SBF2: variants seen among roughly 807,000 people sequenced by gnomAD.
The protein encoded by SBF2 is SET binding factor 2.
Under a neutral mutation model 225.2 loss-of-function variants are expected in SBF2, and 112 were observed. That is an observed-to-expected ratio of 0.50 (90% CI 0.43 to 0.58). SBF2 has a LOEUF of 0.58. Among genes scored for constraint, SBF2 ranks in the 20% least tolerant of loss-of-function variants. The pLI is 0.00. For synonymous variants in SBF2, 763 were observed against 773.3 expected (o/e 0.99, Z 0.22); for missense variants, 1,996 against 2,206.2 (o/e 0.90, Z 1.91).
chr11:9,822,417 C>T (rs999032649), intron 28 of SBF2, among the ~76,000 whole-genome samples: 3 of 152,160 alleles, frequency 2.0e-5, no homozygotes, highest in South Asian at 4.1e-4. Context: ...CCCGCCACCA[C>T]GCCCGGCTAA....
intron 2 of SBF2, among the ~76,000 whole-genome samples, chr11:10,098,425 T>C: frequency 6.7e-6 from 1 of 149,752 alleles, no homozygotes; most frequent in East Asian, 2.0e-4. Context: ...GCAAAGAAGA[T>C]AACATCTTCT....
At chr11:10,074,356 T>A (rs1362117325) in intron 2 of SBF2, among the ~76,000 whole-genome samples, 1 of 152,224 alleles carries the variant, frequency 6.6e-6, no homozygotes, top group African/African-American at 2.4e-5. Context: ...GTTGAACATG[T>A]TTGAATCAAT....
At chr11:9,897,363 G>A (rs1447573890) in intron 16 of SBF2, among the ~76,000 whole-genome samples, 1 of 151,928 alleles carries the variant, frequency 6.6e-6, no homozygotes, top group Middle Eastern at 3.2e-3. Flanking sequence ...TCAGCCTCCC[G>A]AGTAGCTGGG....
intron 2 of SBF2, among the ~76,000 whole-genome samples, chr11:10,160,564 T>C (rs1175341740): frequency 6.6e-6 from 1 of 152,226 alleles, no homozygotes; most frequent in African/African-American, 2.4e-5. Context: ...TTATCTCTGG[T>C]TGAAGAGATT....
intron 1 of SBF2, among the ~76,000 whole-genome samples, chr11:10,258,696 T>C (rs1171319085): frequency 3.3e-5 from 5 of 152,250 alleles, no homozygotes; most frequent in African/African-American, 9.6e-5. Flanking sequence ...TTTTGGATCA[T>C]GTAACTTTAC....
At chr11:9,868,337 C>CAAAAAAAAA (rs35348349) in intron 17 of SBF2, among the ~76,000 whole-genome samples, 46 of 26,376 alleles carry the variant, frequency 1.7e-3, no homozygotes, top group African/African-American at 3.4e-3. Flanking sequence ...TACAAAAATA[C>CAAAAAAAAA]AAAAAAAAAA....
At chr11:10,270,570 C>G (rs193023325) in intron 1 of SBF2, among the ~76,000 whole-genome samples, 3 of 152,042 alleles carry the variant, frequency 2.0e-5, no homozygotes, top group African/African-American at 7.2e-5. Context: ...ATAAGTGGAC[C>G]AACGCAGTTC....
chr11:10,226,270 G>A (rs1453215620), intron 1 of SBF2, among the ~76,000 whole-genome samples: 2 of 152,110 alleles, frequency 1.3e-5, no homozygotes, highest in Non-Finnish European at 2.9e-5. Flanking sequence ...ATTATACTAT[G>A]AAGTAACATT....
chr11:10,132,561 C>G (rs998445331), intron 2 of SBF2, among the ~76,000 whole-genome samples: 1 of 148,378 alleles, frequency 6.7e-6, no homozygotes, highest in Non-Finnish European at 1.5e-5. Context: ...GTTGTTCGTT[C>G]CTCCCGGTGG....
At chr11:10,193,868 A>G in intron 2 of SBF2, 34 bp downstream of exon 2, 1 of 1,368,522 alleles carries the variant, frequency 7.3e-7, no homozygotes, top group East Asian at 2.3e-5. Flanking sequence ...GAAAAGTAAC[A>G]TTATAAATAT....
At chr11:9,792,841 C>T (rs929216203) in intron 33 of SBF2, among the ~76,000 whole-genome samples, 1 of 150,320 alleles carries the variant, frequency 6.7e-6, no homozygotes, top group African/African-American at 2.5e-5. Context: ...CAGCCTTGAC[C>T]TCCTGGGCTC....
chr11:10,279,400 C>T (rs1363322252), intron 1 of SBF2, among the ~76,000 whole-genome samples: 4 of 139,620 alleles, frequency 2.9e-5, no homozygotes, highest in South Asian at 2.3e-4. Flanking sequence ...GCAACAAGAG[C>T]GAGACTCCAT....
intron 1 of SBF2, among the ~76,000 whole-genome samples, chr11:10,264,788 T>C (rs926367184): frequency 7.0e-5 from 10 of 143,600 alleles, no homozygotes; most frequent in Admixed American, 2.1e-4. Context: ...CCTATGTCCA[T>C]GTGTTCTCAT....
chr11:10,255,867 G>A (rs1960820782), intron 1 of SBF2, among the ~76,000 whole-genome samples: 1 of 152,128 alleles, frequency 6.6e-6, no homozygotes, highest in Non-Finnish European at 1.5e-5. Context: ...CATTACTGAG[G>A]AAACTATGTC....
intron 2 of SBF2, among the ~76,000 whole-genome samples, chr11:10,159,376 G>C (rs61877264): frequency 0.11 from 16,029 of 152,224 alleles, 1,008 homozygotes; most frequent in Non-Finnish European, 0.11. Flanking sequence ...GAAGCTACAA[G>C]ATTCTGACCC....
intron 1 of SBF2, among the ~76,000 whole-genome samples, chr11:10,223,400 T>TATATATATATAG (rs1958415206): frequency 3.5e-5 from 1 of 28,552 alleles, no homozygotes; most frequent in Non-Finnish European, 5.7e-5. Flanking sequence ...TTTTGCACAT[T>TATATATATATAG]ATATATATAT....
chr11:9,989,778 A>C (rs1040288226), intron 12 of SBF2, among the ~76,000 whole-genome samples, 183 bp from the exon 13 acceptor site: 3 of 152,168 alleles, frequency 2.0e-5, no homozygotes, highest in African/African-American at 7.2e-5. Flanking sequence ...CAAACCCTTG[A>C]ATTGTCTAGT....
chr11:9,832,516 AT>A (rs1396542440), intron 26 of SBF2, 96 bp from the exon 27 acceptor site: 2 of 854,972 alleles, frequency 2.3e-6, no homozygotes, highest in Non-Finnish European at 3.9e-6. Context: ...GACAGAGAAT[AT>A]AAGAAATTGA....
chr11:9,835,838 G>C (rs548308394), intron 26 of SBF2, among the ~76,000 whole-genome samples: 1 of 152,040 alleles, frequency 6.6e-6, no homozygotes, highest in South Asian at 2.1e-4. Flanking sequence ...CACTGTGTGA[G>C]TATGATACCA....
Sources: gnomAD v4.1 joint callset for allele counts (sites outside exome capture counted in the v4.1 genomes callset) on GRCh38, gnomAD v4.1.1 for gene constraint, MANE v1.5 for transcripts, NCBI Gene and HGNC (gene_info 2026-07-23, HGNC 2026-07-21) for gene names.